The following LRRC18 variants were observed in gnomAD, a reference collection of about 807,000 sequenced individuals.
LRRC18 encodes the protein leucine-rich repeat-containing protein 18.
In LRRC18, 12 loss-of-function variants were observed where a neutral mutation model predicts 11.2. The ratio of observed to expected loss-of-function variants is 1.07; its 90% CI spans 0.69 to 1.74. The LOEUF is 1.74. Ranked by LOEUF, LRRC18 falls within the 40% of genes most tolerant of loss-of-function variation. The pLI, the probability that LRRC18 is intolerant of heterozygous loss-of-function variation, is 0.00. For missense variants in LRRC18, 374 were observed against 330.5 expected (o/e 1.13, Z -1.02); for synonymous variants, 155 against 130.6 (o/e 1.19, Z -1.27).
At chr10:48,914,500 TATAA>T (rs1290356214), upstream of LRRC18, among the ~76,000 whole-genome samples, 4 of 152,192 alleles carry the variant, frequency 2.6e-5, no homozygotes, top group South Asian at 4.2e-4. Context: ...TGCCCCGACT[TATAA>T]ATACTCTCCA....
At chr10:48,916,831 C>T (rs1838584465), upstream of LRRC18, among the ~76,000 whole-genome samples, 1 of 141,330 alleles carries the variant, frequency 7.1e-6, no homozygotes, top group Non-Finnish European at 1.5e-5. Context: ...CTACAGACCC[C>T]TAGGTGCTTT....
the LRRC18 span, among the ~76,000 whole-genome samples, chr10:48,931,962 C>G: frequency 6.6e-6 from 1 of 152,198 alleles, no homozygotes; most frequent in Non-Finnish European, 1.5e-5. Context: ...GCCGGCTGTC[C>G]CTTTCCTGCT....
upstream of LRRC18, among the ~76,000 whole-genome samples, chr10:48,914,953 C>A (rs957437370): frequency 2.0e-5 from 3 of 152,180 alleles, no homozygotes; most frequent in Non-Finnish European, 2.9e-5. Flanking sequence ...CACTGGACTT[C>A]AACTCCTCTG....
chr10:48,923,506 A>ATATATATATATATATATATATGTATG, the LRRC18 span, among the ~76,000 whole-genome samples: 73 of 115,164 alleles, frequency 6.3e-4, 5 homozygotes, highest in Admixed American at 3.1e-3. Flanking sequence ...GTATATATAT[A>ATATATATATATATATATATATGTATG]TATATATGTC....
chr10:48,934,406 G>A, the LRRC18 span, among the ~76,000 whole-genome samples: 55,266 of 151,676 alleles, frequency 0.36, 10,605 homozygotes, highest in African/African-American at 0.49. Flanking sequence ...TCTCCACCGG[G>A]GGGATACAGC....
chr10:48,913,485 A>T, exon 1 of LRRC18: 1 of 1,610,088 alleles, frequency 6.2e-7, no homozygotes, highest in Non-Finnish European at 8.5e-7. Context: ...CATGTTCTTG[A>T]TTCTATTCAG....
chr10:48,925,208 C>T, the LRRC18 span, among the ~76,000 whole-genome samples: 1 of 152,340 alleles, frequency 6.6e-6, no homozygotes, highest in East Asian at 1.9e-4. Flanking sequence ...AACAGGCCAG[C>T]TCACCTAACT....
chr10:48,926,846 G>A, the LRRC18 span, among the ~76,000 whole-genome samples: 2 of 152,222 alleles, frequency 1.3e-5, no homozygotes, highest in African/African-American at 4.8e-5. Context: ...ATAGGCATGT[G>A]TCCCCAAGTA....
intron 1 of LRRC18, chr10:48,910,856 C>T (rs1219188572): frequency 1.8e-5 from 17 of 961,890 alleles, no homozygotes; most frequent in East Asian, 1.1e-4. Context: ...GAAGGGAGGA[C>T]GTGGACCAGC....
At chr10:48,935,283 G>A in the LRRC18 span, 1 of 152,250 alleles carries the variant, frequency 6.6e-6, no homozygotes, top group Non-Finnish European at 1.5e-5. Context: ...AGCCTGCAAA[G>A]TGAGAGGACG....
At chr10:48,928,028 C>T in the LRRC18 span, among the ~76,000 whole-genome samples, 1 of 152,206 alleles carries the variant, frequency 6.6e-6, no homozygotes, top group Non-Finnish European at 1.5e-5. Flanking sequence ...CTTTGAAGCT[C>T]ATGAGGTGAG....
At chr10:48,917,108 A>C (rs906338626), upstream of LRRC18, among the ~76,000 whole-genome samples, 1 of 152,158 alleles carries the variant, frequency 6.6e-6, no homozygotes, top group South Asian at 2.1e-4. Flanking sequence ...GAAGCAATAG[A>C]CTAGATCATG....
the LRRC18 span, among the ~76,000 whole-genome samples, chr10:48,939,150 A>G: frequency 6.6e-6 from 1 of 152,234 alleles, no homozygotes; most frequent in Non-Finnish European, 1.5e-5. Flanking sequence ...AAGGTCACTC[A>G]GAGGGGGACT....
chr10:48,937,679 T>G, the LRRC18 span, among the ~76,000 whole-genome samples: 1 of 152,372 alleles, frequency 6.6e-6, no homozygotes, highest in Admixed American at 6.5e-5. Flanking sequence ...GTATGCAGAT[T>G]TTCCACGTTA....
At chr10:48,914,541 A>G (rs1481540014), upstream of LRRC18, among the ~76,000 whole-genome samples, 1 of 151,982 alleles carries the variant, frequency 6.6e-6, no homozygotes, top group Non-Finnish European at 1.5e-5. Flanking sequence ...CGTACCCCCA[A>G]CCCAGAGCCA....
Position 48,913,308 on chromosome 10 carries a change from C to G in LRRC18, c.764+84G>C, listed in dbSNP as rs1838177561. ...AGAGCTGCTGCAGCCACAGGGGAGC[C>G]CTTGGTTTCCTGTGGAGGTAGCCCA... is the stretch of plus-strand genomic sequence containing the variant. On this transcript the variant is annotated intron_variant, in intron 1 of 1. Transcript: ENST00000374160. 3 of 1,301,056 alleles carry G rather than the reference C, an allele frequency of 2.3e-6. No individual in the cohort carries two copies. The Admixed American group carries it at 6.5e-5, about 28-fold the overall frequency. The allele number at this position is 1,301,056 out of a possible 1,614,324, so 80.6% of individuals were successfully genotyped here. A position where few individuals can be genotyped will look rare whatever the true frequency, so the allele number is the denominator to read the frequency against.
chr10:48,921,845 A>G, the LRRC18 span, among the ~76,000 whole-genome samples: 1 of 152,244 alleles, frequency 6.6e-6, no homozygotes, highest in African/African-American at 2.4e-5. Flanking sequence ...TGCTGCAACT[A>G]GAGTTCTCAT....
At chr10:48,929,567 G>A in the LRRC18 span, among the ~76,000 whole-genome samples, 1 of 152,162 alleles carries the variant, frequency 6.6e-6, no homozygotes, top group Admixed American at 6.5e-5. Flanking sequence ...TATTGTGCTG[G>A]TCTACACTCA....
chr10:48,925,064 A>G, the LRRC18 span, among the ~76,000 whole-genome samples: 1 of 152,238 alleles, frequency 6.6e-6, no homozygotes, highest in African/African-American at 2.4e-5. Context: ...GTTTCATGTC[A>G]TGTGGATGAG....
Sources: allele counts gnomAD v4.1 joint callset (sites outside exome capture counted in the v4.1 genomes callset), GRCh38; gene constraint gnomAD v4.1.1; transcripts MANE v1.5; gene names NCBI Gene and HGNC (gene_info 2026-07-23, HGNC 2026-07-21).